Variants in LDB3 observed in about 807,000 individuals in gnomAD.
LDB3 encodes LIM domain-binding protein 3.
LDB3 carries 49 observed loss-of-function variants against 69.0 expected under a neutral mutation model. The ratio of observed to expected loss-of-function variants is 0.71; its 90% confidence interval spans 0.56 to 0.90. The LOEUF (loss-of-function observed/expected upper bound fraction) is 0.90, where lower values mean the gene tolerates loss of function less well. LDB3 is among the 40% of genes least tolerant of loss of function. LDB3 has a pLI of 0.00. For missense variants in LDB3, 928 were observed against 974.1 expected (o/e 0.95, Z 0.63); for synonymous variants, 387 against 396.2 (o/e 0.98, Z 0.28).
intron 7 of LDB3, among the ~76,000 whole-genome samples, chr10:86,696,426 C>T (rs1239348511): frequency 1.3e-5 from 2 of 152,226 alleles, no homozygotes; most frequent in East Asian, 3.8e-4. Flanking sequence ...TGAGCAGCCC[C>T]TGGGAGGTCG....
intron 5 of LDB3, among the ~76,000 whole-genome samples, chr10:86,686,758 G>T (rs1472727407): frequency 6.8e-6 from 1 of 147,708 alleles, no homozygotes; most frequent in East Asian, 2.0e-4. Context: ...AGTGAGTGGA[G>T]ATCACACCAC....
chr10:86,684,292 G>A (rs1173148174), intron 5 of LDB3, among the ~76,000 whole-genome samples: 1 of 152,248 alleles, frequency 6.6e-6, no homozygotes, highest in Non-Finnish European at 1.5e-5. Flanking sequence ...CCTCTCAGAT[G>A]TGTCTGCTGC....
At chr10:86,710,095 G>A (rs2132466504) in intron 9 of LDB3, 45 bp downstream of exon 9, 1 of 1,603,072 alleles carries the variant, frequency 6.2e-7, no homozygotes, top group Non-Finnish European at 8.5e-7. Flanking sequence ...GCCATGGGCG[G>A]GCTCCAGGAG....
chr10:86,668,722 G>A lies in LDB3; in HGVS notation c.31G>A (p.Gly11Arg), dbSNP rs370493508. 1.1e-5 allele frequency: 18 copies of A among 1,613,394 alleles called. No homozygotes were observed. Among genetic ancestry groups the A allele is most frequent in the East Asian group, 4.5e-5 (2 of 44,860 alleles). MSYSVTLTGPGPWGFRLQGGK... is the reference protein window; with the variant it reads MSYSVTLTGPRPWGFRLQGGK... ...TTACAGTGTGACCCTGACTGGGCCC[G>A]GGCCCTGGGGCTTCCGTCTGCAGGG... The change falls in exon 2 of 14, where the codon GGG (glycine) becomes AGG (arginine). Residue 11 changes from glycine (G) to arginine (R), a missense_variant. Gly to Arg is a moderately radical substitution (Grantham distance 125). Transcript: ENST00000361373.
Position 86,734,557 on chromosome 10 carries a change from T to C in LDB3, c.*1581T>C, listed in dbSNP as rs1479151041. On this transcript the variant is annotated 3_prime_UTR_variant, in exon 14 of 14. Transcript: ENST00000361373. ...CTCTTTGCATGTTTGAAATGTTTTA[T>C]GGGAATGTATTAGAACTCTTTTCTT... 2 of 152,256 alleles carry C rather than the reference T, an allele frequency of 1.3e-5. No homozygotes were observed. Among genetic ancestry groups the C allele is most frequent in the Non-Finnish European group, 2.9e-5 (2 of 68,048 alleles). 9.4% of individuals were successfully genotyped at this position (152,256 alleles called of 1,614,324 possible).
At chr10:86,717,122 G>A (rs1846907829) in intron 10 of LDB3, among the ~76,000 whole-genome samples, 1 of 152,212 alleles carries the variant, frequency 6.6e-6, no homozygotes, top group South Asian at 2.1e-4. Context: ...TGTTGGTTTT[G>A]ACCCAGTTTT....
intron 2 of LDB3, among the ~76,000 whole-genome samples, chr10:86,671,033 C>T (rs1589603269): frequency 6.6e-6 from 1 of 152,004 alleles, no homozygotes; most frequent in South Asian, 2.1e-4. Context: ...GGAGGCATGG[C>T]CAGAGCTCTC....
rs751417500 is a variant in LDB3 at position 86,685,735 on chromosome 10, C to T, written c.689+3932C>T. 25 of 1,613,156 alleles carry T rather than the reference C, an allele frequency of 1.5e-5. 1 individual carries two copies. In the South Asian group the frequency reaches 1.6e-4, roughly 11 times the overall value. ...AAAGGACAGCATGTGTGTGCGCTTG[C>T]GTGCCAGCCCCAGCATGTGTCTGCG... On this transcript the variant is annotated intron_variant, in intron 5 of 13. Transcript: ENST00000361373.
intron 2 of LDB3, among the ~76,000 whole-genome samples, chr10:86,677,209 G>T (rs566496875): frequency 6.6e-6 from 1 of 152,292 alleles, no homozygotes; most frequent in East Asian, 1.9e-4. Flanking sequence ...CATGGGGGTT[G>T]GGGACCTCCA....
chr10:86,706,465 G>A, intron 7 of LDB3, 66 bp from the exon 8 acceptor site: 2 of 1,566,146 alleles, frequency 1.3e-6, no homozygotes, highest in Non-Finnish European at 1.7e-6. Context: ...CTGCCCCCAT[G>A]CAGAGGGGCC....
At position 86,685,608 on chromosome 10, in the gene LDB3, C is replaced by T. The variant is rs571168371; in HGVS notation, c.689+3805C>T. On this transcript the variant is annotated intron_variant, in intron 5 of 13. Transcript: ENST00000361373. ...ACAATGACCAGGCTGATGATGGCCC[C>T]GGCGCTCAAACTGCCCCTGGTGGAG... 3.4e-5 allele frequency: 52 copies of T among 1,519,264 alleles called. 1 individual carries two copies. The East Asian group carries it at 5.4e-4, about 16-fold the overall frequency. The allele number at this position is 1,519,264 out of a possible 1,614,324, so 94.1% of individuals were successfully genotyped here.
At chr10:86,685,810 G>A in intron 5 of LDB3, 1 of 1,244,882 alleles carries the variant, frequency 8.0e-7, no homozygotes, top group Non-Finnish European at 1.2e-6. Context: ...ACATGTATGT[G>A]CATATGTATG....
rs794729061 is a variant in LDB3 at position 86,709,948 on chromosome 10, G to A, written c.1129G>A (p.Ala377Thr). 5 of 1,612,616 alleles carry A rather than the reference G, an allele frequency of 3.1e-6. No homozygotes were observed. The highest frequency in any genetic ancestry group is 4.2e-6 in the Non-Finnish European group (5 of 1,180,000). The change falls in exon 9 of 14, where the codon GCA (alanine) becomes ACA (threonine). Residue 377 changes from alanine (A) to threonine (T), a missense_variant. Physicochemically the swap from Ala to Thr is moderately conservative, Grantham distance 58. Transcript: ENST00000361373. ...CAGCCCCGCAGTGGCCGCCTCTTCA[G>A]CACCTGCCACCCACACCAGCTACAG... ...SYSPAVAASS[A>T]PATHTSYSEG...
rs766051564 is a variant in LDB3 at position 86,716,787 on chromosome 10, G to GC, written c.1676+20dup. 6.3e-7 allele frequency: 1 copy of GC among 1,593,304 alleles called. No individual in the cohort carries two copies. Among genetic ancestry groups the GC allele is most frequent in the Admixed American group, 1.8e-5 (1 of 56,344 alleles). On this transcript the variant is annotated intron_variant, in intron 10 of 13. Coordinates refer to ENST00000361373, the MANE Select transcript of LDB3 (RefSeq NM_007078.3). Reference sequence around the variant, plus strand: ...ATGTCATCCGGTATGGTCCAGCTGTGCCCCTGCACTGGGGCACTGGAAGGG... The same window carrying GC: ...ATGTCATCCGGTATGGTCCAGCTGTGCCCCCTGCACTGGGGCACTGGAAGGG...
At chr10:86,701,199 A>C (rs1398533819) in intron 7 of LDB3, among the ~76,000 whole-genome samples, 3 of 152,188 alleles carry the variant, frequency 2.0e-5, no homozygotes, top group Non-Finnish European at 4.4e-5. Context: ...GGCCTCCTGG[A>C]ACACACTCAT....
chr10:86,667,733 C>T (rs1265326554), upstream of LDB3, among the ~76,000 whole-genome samples: 2 of 152,224 alleles, frequency 1.3e-5, no homozygotes, highest in East Asian at 1.9e-4. Context: ...GGCTGGGCCC[C>T]CAGAGGGTCT....
chr10:86,732,992 T>TGTGCTGAC lies in LDB3; in HGVS notation c.*18_*25dup, dbSNP rs779538518. On this transcript the variant is annotated 3_prime_UTR_variant, in exon 14 of 14. Transcript: ENST00000361373. ...CAACTTGTAGGCGGCCAAGGCCGCC[T>TGTGCTGAC]GTGCTGACGAGGCCCGGAGCTGCTC... is the stretch of plus-strand genomic sequence containing the variant. 6.3e-6 allele frequency: 10 copies of TGTGCTGAC among 1,597,860 alleles called. No individual in the cohort carries two copies. Among genetic ancestry groups the TGTGCTGAC allele is most frequent in the Non-Finnish European group, 8.6e-6 (10 of 1,167,224 alleles).
chr10:86,723,262 T>A (rs1589682240), intron 12 of LDB3, among the ~76,000 whole-genome samples: 1 of 81,942 alleles, frequency 1.2e-5, no homozygotes. Context: ...AGAGCAAGAC[T>A]CAATCTAAAA....
At chr10:86,690,983 G>A (rs940224065) in intron 5 of LDB3, among the ~76,000 whole-genome samples, 4 of 152,166 alleles carry the variant, frequency 2.6e-5, no homozygotes, top group African/African-American at 9.7e-5. Context: ...CTTCACCTGA[G>A]CCCTCCCAGG....
Sources: gnomAD v4.1 joint callset for allele counts (sites outside exome capture counted in the v4.1 genomes callset) on GRCh38, gnomAD v4.1.1 for gene constraint, MANE v1.5 for transcripts, NCBI Gene and HGNC (gene_info 2026-07-23, HGNC 2026-07-21) for gene names.